Variants in NXPH2 observed in about 807,000 individuals in gnomAD.
NXPH2 encodes the protein neurexophilin-2.
Under a neutral mutation model 19.8 loss-of-function variants are expected in NXPH2, and 5 were observed. The observed-to-expected ratio is 0.25, with a 90% CI of 0.13 to 0.53. The LOEUF (loss-of-function observed/expected upper bound fraction) is 0.53. Ranked by LOEUF, NXPH2 falls within the 20% of genes least tolerant of loss-of-function variation. The pLI, the probability that NXPH2 is intolerant of heterozygous loss-of-function variation, is 0.96. For synonymous variants in NXPH2, 154 were observed against 127.4 expected (o/e 1.21, Z -1.41); for missense variants, 289 against 322.8 (o/e 0.90, Z 0.80).
intron 1 of NXPH2, among the ~76,000 whole-genome samples, chr2:138,718,660 C>T (rs1346976554): frequency 6.6e-6 from 1 of 152,072 alleles, no homozygotes; most frequent in Non-Finnish European, 1.5e-5. Context: ...AGCCACTGGA[C>T]CTTGATGCCT....
intron 1 of NXPH2, among the ~76,000 whole-genome samples, chr2:138,773,575 A>G (rs992905740): frequency 1.3e-5 from 2 of 152,196 alleles, no homozygotes; most frequent in Non-Finnish European, 2.9e-5. Flanking sequence ...GCCATACTAC[A>G]TAAGTGTTCT....
At chr2:138,753,147 A>G (rs1003041006) in intron 1 of NXPH2, among the ~76,000 whole-genome samples, 3 of 152,142 alleles carry the variant, frequency 2.0e-5, no homozygotes. Context: ...CTGCATGGGA[A>G]ATTTATTATT....
chr2:138,701,799 T>A (rs1225505671), intron 1 of NXPH2, among the ~76,000 whole-genome samples: 1 of 152,220 alleles, frequency 6.6e-6, no homozygotes, highest in Non-Finnish European at 1.5e-5. Flanking sequence ...ATCCATATGT[T>A]ACAGAAACTT....
At chr2:138,705,137 A>AT (rs1558917938) in intron 1 of NXPH2, among the ~76,000 whole-genome samples, 1 of 151,528 alleles carries the variant, frequency 6.6e-6, no homozygotes, top group African/African-American at 2.4e-5. Flanking sequence ...TTTTAAAAAA[A>AT]TTTTTTTGTA....
At chr2:138,762,832 G>A (rs13003462) in intron 1 of NXPH2, among the ~76,000 whole-genome samples, 9,130 of 152,240 alleles carry the variant, frequency 0.06, 361 homozygotes, top group Middle Eastern at 0.12. Flanking sequence ...CTGGAAACAA[G>A]CTTGCTTAGT....
At chr2:138,744,606 T>A (rs1681696861) in intron 1 of NXPH2, among the ~76,000 whole-genome samples, 1 of 152,178 alleles carries the variant, frequency 6.6e-6, no homozygotes, top group African/African-American at 2.4e-5. Context: ...TAATCTACTA[T>A]CTTCCCTATG....
Position 138,670,594 on chromosome 2 carries a change from G to C in NXPH2, c.*328C>G, listed in dbSNP as rs1288535670. Among the ~76,000 whole-genome samples the C allele has an allele frequency of 6.6e-6, 1 of 152,110 alleles. No homozygotes were observed. The highest frequency in any genetic ancestry group is 1.5e-5 in the Non-Finnish European group (1 of 68,028). On this transcript the variant is annotated 3_prime_UTR_variant, in exon 2 of 2. Transcript: ENST00000272641. ...ATTTCAAGAGCAATGTTTGTCACATGCATAATTTTGTTCCTTCTTGTCACA... is the reference window on the plus strand; with the variant it reads ...ATTTCAAGAGCAATGTTTGTCACATCCATAATTTTGTTCCTTCTTGTCACA...
At chr2:138,699,531 C>T (rs914657939) in intron 1 of NXPH2, among the ~76,000 whole-genome samples, 1 of 151,952 alleles carries the variant, frequency 6.6e-6, no homozygotes, top group African/African-American at 2.4e-5. Flanking sequence ...AAGCAGCATC[C>T]GGCACACGGG....
chr2:138,759,106 AT>A (rs1417095808), intron 1 of NXPH2, among the ~76,000 whole-genome samples: 1 of 152,134 alleles, frequency 6.6e-6, no homozygotes, highest in Non-Finnish European at 1.5e-5. Flanking sequence ...ATTAAAAGAA[AT>A]TTCTTTCCTT....
chr2:138,689,236 C>T (rs1680708513), intron 1 of NXPH2, among the ~76,000 whole-genome samples: 1 of 152,180 alleles, frequency 6.6e-6, no homozygotes, highest in Non-Finnish European at 1.5e-5. Context: ...CATGCTTGAA[C>T]AAGGAACAAA....
intron 1 of NXPH2, among the ~76,000 whole-genome samples, chr2:138,765,585 T>G (rs578240422): frequency 1.3e-5 from 2 of 152,252 alleles, no homozygotes; most frequent in South Asian, 4.1e-4. Context: ...ATAGAGTAAC[T>G]CACAGTTTAC....
intron 1 of NXPH2, among the ~76,000 whole-genome samples, chr2:138,762,229 T>C (rs1047752265): frequency 6.6e-6 from 1 of 152,294 alleles, no homozygotes; most frequent in Middle Eastern, 3.4e-3. Context: ...GTCATAGGCA[T>C]CCACATTTGT....
At chr2:138,763,323 T>C (rs1383292681) in intron 1 of NXPH2, among the ~76,000 whole-genome samples, 2 of 152,186 alleles carry the variant, frequency 1.3e-5, no homozygotes, top group Non-Finnish European at 2.9e-5. Flanking sequence ...TATTTTCATA[T>C]TTTTCTATCA....
chr2:138,729,924 C>T (rs76643700), intron 1 of NXPH2, among the ~76,000 whole-genome samples: 22,947 of 152,194 alleles, frequency 0.15, 1,903 homozygotes, highest in East Asian at 0.24. Flanking sequence ...ATACCACAGA[C>T]TGGGAGGCTT....
At chr2:138,676,715 A>G (rs1024881313) in intron 1 of NXPH2, among the ~76,000 whole-genome samples, 17 of 152,202 alleles carry the variant, frequency 1.1e-4, no homozygotes, top group Admixed American at 6.5e-4. Context: ...GGTCCAATGG[A>G]TAATCTCATG....
intron 1 of NXPH2, among the ~76,000 whole-genome samples, chr2:138,756,710 G>A (rs983388698): frequency 4.6e-5 from 7 of 152,230 alleles, no homozygotes; most frequent in Non-Finnish European, 7.4e-5. Flanking sequence ...AACTCTATTG[G>A]CAGAAGCAGA....
chr2:138,742,877 T>C (rs1037144716), intron 1 of NXPH2, among the ~76,000 whole-genome samples: 1 of 152,200 alleles, frequency 6.6e-6, no homozygotes, highest in Admixed American at 6.5e-5. Context: ...TACATCACAA[T>C]AGAGATATAG....
chr2:138,779,002 C>T (rs1359672327), intron 1 of NXPH2, among the ~76,000 whole-genome samples: 1 of 152,232 alleles, frequency 6.6e-6, no homozygotes, highest in Admixed American at 6.5e-5. Context: ...GTTCCTTCCA[C>T]CCTCAGAACT....
chr2:138,671,108 G>A lies in NXPH2; in HGVS notation c.609C>T (p.Cys203=). Residue 203 remains cysteine, a synonymous_variant, in exon 2 of 2, where the codon TGC becomes TGT. Transcript: ENST00000272641. The stretch of plus-strand genomic sequence containing the variant: ...AGCAGATCTTGGATGGGTCAAAGTT[G>A]CACAGGGCGGTCTTTTTCGCCCGAT... The part of the protein sequence containing the change: ...KTDRAKKTAL[C]NFDPSKICYQ... 1 of 1,613,942 alleles carries A rather than the reference G, an allele frequency of 6.2e-7. No homozygotes were observed. The highest frequency in any genetic ancestry group is 1.6e-4 in the Middle Eastern group (1 of 6,062).
Sources: allele counts gnomAD v4.1 joint callset (sites outside exome capture counted in the v4.1 genomes callset), GRCh38; gene constraint gnomAD v4.1.1; transcripts MANE v1.5; gene names NCBI Gene and HGNC (gene_info 2026-07-23, HGNC 2026-07-21).